Variants in ARSG observed in about 807,000 individuals in gnomAD.
The protein encoded by ARSG is arylsulfatase G, also known as ASG.
ARSG carries 37 observed loss-of-function variants against 50.5 expected under a neutral mutation model. The observed-to-expected ratio is 0.73, with a 90% CI of 0.56 to 0.96. The LOEUF is 0.96. ARSG is among the 50% of genes least tolerant of loss of function. The probability of loss-of-function intolerance (pLI) is 0.00; values close to 1 mark genes in which losing one functional copy is unlikely to be tolerated. For synonymous variants in ARSG, 225 were observed against 254.6 expected (o/e 0.88, Z 1.11); for missense variants, 629 against 675.3 (o/e 0.93, Z 0.76).
chr17:68,290,882 G>A (rs1361388938), upstream of ARSG, among the ~76,000 whole-genome samples: 2 of 150,178 alleles, frequency 1.3e-5, no homozygotes, highest in African/African-American at 4.9e-5. Context: ...ACCCACACCG[G>A]CGCGAGCGCG....
chr17:68,350,085 G>A (rs1310119154), intron 4 of ARSG, among the ~76,000 whole-genome samples: 3 of 152,272 alleles, frequency 2.0e-5, no homozygotes, highest in East Asian at 3.9e-4. Context: ...TGAAGAGCAG[G>A]GAAATTCTGT....
intron 2 of ARSG, among the ~76,000 whole-genome samples, chr17:68,311,529 G>A (rs942430303): frequency 1.3e-4 from 20 of 152,210 alleles, no homozygotes; most frequent in East Asian, 3.9e-4. Flanking sequence ...TAAGGCTCTC[G>A]ATGATCTCAG....
At chr17:68,289,390 C>A (rs1243997765), upstream of ARSG, among the ~76,000 whole-genome samples, 4 of 152,008 alleles carry the variant, frequency 2.6e-5, no homozygotes, top group South Asian at 2.1e-4. Context: ...AGATTTGGCC[C>A]GAGGGCATGA....
At chr17:68,287,528 T>A (rs1043131849), upstream of ARSG, among the ~76,000 whole-genome samples, 71 of 152,272 alleles carry the variant, frequency 4.7e-4, no homozygotes, top group Admixed American at 2.4e-3. Context: ...TTAGTTTTTT[T>A]AAAAAACTCT....
At chr17:68,422,065 A>C (rs1168299368), downstream of ARSG, 3 of 492,606 alleles carry the variant, frequency 6.1e-6, no homozygotes, top group Non-Finnish European at 1.1e-5. Flanking sequence ...GTATGTATTT[A>C]TATGTATATG....
At chr17:68,306,016 T>C (rs2076592979) in intron 1 of ARSG, among the ~76,000 whole-genome samples, 1 of 151,984 alleles carries the variant, frequency 6.6e-6, no homozygotes, top group Admixed American at 6.6e-5. Flanking sequence ...TTCTTTTTTT[T>C]TTTGAGATGG....
chr17:68,314,640 AAGGCTGCAGTG>A (rs2145736958), intron 2 of ARSG, among the ~76,000 whole-genome samples: 1 of 151,892 alleles, frequency 6.6e-6, no homozygotes, highest in East Asian at 1.9e-4. Context: ...CCAGGAGTTC[AAGGCTGCAGTG>A]AGCTATGATC....
At chr17:68,325,589 C>G (rs1328634070) in intron 2 of ARSG, among the ~76,000 whole-genome samples, 2 of 152,092 alleles carry the variant, frequency 1.3e-5, no homozygotes, top group African/African-American at 4.8e-5. Flanking sequence ...CCAGGACTCT[C>G]TGGTTGTAAG....
At chr17:68,430,602 C>A in the ARSG span, among the ~76,000 whole-genome samples, 3 of 152,260 alleles carry the variant, frequency 2.0e-5, no homozygotes, top group African/African-American at 7.2e-5. Context: ...GGTAGCAAAC[C>A]TCCGGGCAAG....
chr17:68,321,412 G>T (rs782779886), intron 2 of ARSG, among the ~76,000 whole-genome samples: 24 of 152,124 alleles, frequency 1.6e-4, no homozygotes, highest in Non-Finnish European at 1.5e-5. Flanking sequence ...GGTTCTCTGA[G>T]TTTTATTTCA....
At chr17:68,314,667 A>G (rs1342951383) in intron 2 of ARSG, among the ~76,000 whole-genome samples, 1 of 152,156 alleles carries the variant, frequency 6.6e-6, no homozygotes, top group African/African-American at 2.4e-5. Flanking sequence ...TGATCATGCC[A>G]TTGTACTCCA....
chr17:68,328,928 C>T (rs934383394), intron 2 of ARSG, among the ~76,000 whole-genome samples: 7 of 152,208 alleles, frequency 4.6e-5, no homozygotes, highest in Admixed American at 4.6e-4. Flanking sequence ...TCTGGAATTA[C>T]ACCCCAGGGC....
At chr17:68,288,999 C>T (rs1396492946), upstream of ARSG, among the ~76,000 whole-genome samples, 1 of 152,120 alleles carries the variant, frequency 6.6e-6, no homozygotes, top group Non-Finnish European at 1.5e-5. Context: ...TGACACAATC[C>T]ACGGGCAGTT....
At chr17:68,331,295 G>C (rs1180858583) in intron 2 of ARSG, among the ~76,000 whole-genome samples, 1 of 147,972 alleles carries the variant, frequency 6.8e-6, no homozygotes, top group African/African-American at 2.5e-5. Context: ...CTGTCACCCA[G>C]ACTGGAGTGT....
At position 68,381,709 on chromosome 17, in the gene ARSG, C is replaced by T. The variant is rs2080441209; in HGVS notation, c.983-3355C>T. On this transcript the variant is annotated intron_variant, in intron 8 of 11. Coordinates refer to ENST00000621439, the MANE Select transcript of ARSG (RefSeq NM_001267727.2). The surrounding 1 kb of genome is among the most constrained non-coding windows in gnomAD (Gnocchi z 4.1). Reference sequence around the variant, plus strand: ...CCGATCTTGCCCCTTGCCCTCCTTCCCTGGGAATGAGTGCTCTCCCCACTA... The same window carrying T: ...CCGATCTTGCCCCTTGCCCTCCTTCTCTGGGAATGAGTGCTCTCCCCACTA... Among the ~76,000 whole-genome samples the T allele has an allele frequency of 6.6e-6, 1 of 152,264 alleles. No individual in the cohort carries two copies. The highest frequency in any genetic ancestry group is 2.1e-4 in the South Asian group (1 of 4,826).
chr17:68,436,505 G>A, the ARSG span: 33 of 1,606,090 alleles, frequency 2.1e-5, no homozygotes, highest in African/African-American at 2.7e-5. Flanking sequence ...CAGAACATGA[G>A]AAGCCTGGGG....
At chr17:68,385,888 C>T (rs1383558802) in intron 9 of ARSG, among the ~76,000 whole-genome samples, 1 of 152,128 alleles carries the variant, frequency 6.6e-6, no homozygotes, top group African/African-American at 2.4e-5. Flanking sequence ...GTCCAGATGT[C>T]CACTTTCCCT....
intron 11 of ARSG, among the ~76,000 whole-genome samples, chr17:68,419,915 C>T (rs1226026107): frequency 2.6e-5 from 4 of 151,962 alleles, no homozygotes; most frequent in East Asian, 1.9e-4. Context: ...GCTAGGATCA[C>T]GCTACTGCAT....
At chr17:68,302,699 G>T (rs567633015) in intron 1 of ARSG, among the ~76,000 whole-genome samples, 1 of 152,186 alleles carries the variant, frequency 6.6e-6, no homozygotes, top group Non-Finnish European at 1.5e-5. Flanking sequence ...AATGGGGGTC[G>T]TGGAGAAGAA....
Sources: allele counts gnomAD v4.1 joint callset (sites outside exome capture counted in the v4.1 genomes callset), GRCh38; gene constraint gnomAD v4.1.1; non-coding constraint Gnocchi (gnomAD v3.1); transcripts MANE v1.5; gene names NCBI Gene and HGNC (gene_info 2026-07-23, HGNC 2026-07-21).